The following PCDH11X variants were observed in gnomAD, a reference collection of about 807,000 sequenced individuals.
The protein encoded by PCDH11X is protocadherin-11 X-linked.
Under a neutral mutation model 53.3 loss-of-function variants are expected in PCDH11X, and 18 were observed. That is an observed-to-expected ratio of 0.34 (90% confidence interval 0.23 to 0.50). PCDH11X has a LOEUF of 0.50. PCDH11X is among the 20% of genes least tolerant of loss of function. The probability of loss-of-function intolerance (pLI) is 0.98; values close to 1 mark genes in which losing one functional copy is unlikely to be tolerated. For synonymous variants in PCDH11X, 279 were observed against 393.3 expected (o/e 0.71, Z 3.44); for missense variants, 570 against 1,032.4 (o/e 0.55, Z 6.14).
intron 6 of PCDH11X, among the ~76,000 whole-genome samples, chrX:92,132,070 G>A (rs1403315267): frequency 1.4e-4 from 13 of 95,941 alleles, no homozygotes; most frequent in African/African-American, 5.0e-4. Context: ...TCAGGCGTTC[G>A]AGACCAGCCT....
chrX:92,433,763 T>G (rs1313046886), intron 9 of PCDH11X, among the ~76,000 whole-genome samples: 1 of 111,645 alleles, frequency 9.0e-6, no homozygotes, highest in Non-Finnish European at 1.9e-5. Flanking sequence ...TGAATAGTGC[T>G]TGAGGTCTTT....
intron 10 of PCDH11X, among the ~76,000 whole-genome samples, chrX:92,568,720 T>TGTACA (rs1359526960): frequency 9.7e-6 from 1 of 102,617 alleles, no homozygotes; most frequent in Non-Finnish European, 2.0e-5. Flanking sequence ...CTAGAGGTAG[T>TGTACA]GTACAACCTG....
chrX:92,496,735 C>T (rs2073866319), intron 10 of PCDH11X, among the ~76,000 whole-genome samples: 1 of 108,688 alleles, frequency 9.2e-6, no homozygotes. Context: ...TTATCTTTCA[C>T]TATGAGTCCC....
In PCDH11X at chrX:92,364,095, T is replaced by C. The variant is rs149737883; in HGVS notation, c.3145-23640T>C. The stretch of plus-strand genomic sequence containing the variant: ...TTGTTGTGGATTTTCATTAGAGATA[T>C]TGATGTGTAGTTTTCTTATAGTGTC... On this transcript the variant is annotated intron_variant, in intron 8 of 10. Transcript: ENST00000682573. 3.8e-4 allele frequency among the ~76,000 whole-genome samples: 43 copies of C among 111,785 alleles called. 1 individual carries two copies. The East Asian group carries it at 0.012, about 32-fold the overall frequency.
Position 91,878,361 on chromosome X carries a change from G to A in PCDH11X, c.2121G>A (p.Met707Ile), listed in dbSNP as rs865904461. 1 of 1,206,314 alleles carries A rather than the reference G, an allele frequency of 8.3e-7. No individual in the cohort carries two copies. Among genetic ancestry groups the A allele is most frequent in the Non-Finnish European group, 1.1e-6 (1 of 892,358 alleles). The change falls in exon 6 of 11, where the codon ATG becomes ATA. Residue 707 changes from methionine to isoleucine, a missense_variant. Physicochemically the swap from Met to Ile is conservative, Grantham distance 10. Transcript: ENST00000682573. ...TTGCTGTTGACAATGACACTGGCAT[G>A]AATGCAGAGGTTCGTTACAGCATTG... ...QVIAVDNDTG[M>I]NAEVRYSIVG...
At chrX:92,045,629 G>A (rs1354738564) in intron 6 of PCDH11X, among the ~76,000 whole-genome samples, 1 of 103,479 alleles carries the variant, frequency 9.7e-6, no homozygotes, top group Non-Finnish European at 2.0e-5. Context: ...TTACAATTTT[G>A]GGGATTGAGA....
intron 6 of PCDH11X, among the ~76,000 whole-genome samples, chrX:92,087,128 CTTG>C (rs1189803987): frequency 3.6e-5 from 4 of 110,242 alleles, no homozygotes; most frequent in African/African-American, 1.3e-4. Context: ...GAGTTTCCCT[CTTG>C]TTGTCCAAGC....
intron 6 of PCDH11X, among the ~76,000 whole-genome samples, chrX:91,932,995 A>G (rs1034673044): frequency 9.7e-6 from 1 of 103,353 alleles, no homozygotes. Context: ...TGAATGAAAA[A>G]TTTATCTTTT....
intron 10 of PCDH11X, among the ~76,000 whole-genome samples, chrX:92,522,368 A>G (rs1343226883): frequency 8.9e-6 from 1 of 111,811 alleles, no homozygotes; most frequent in South Asian, 3.7e-4. Flanking sequence ...TAGCACACAC[A>G]TTTATTGATT....
chrX:92,588,887 T>G (rs1924704106), intron 10 of PCDH11X, among the ~76,000 whole-genome samples: 1 of 110,165 alleles, frequency 9.1e-6, no homozygotes, highest in Admixed American at 9.8e-5. Flanking sequence ...AAATTTCCAG[T>G]GGTCAAGGAC....
At chrX:92,200,699 T>C (rs967598047) in intron 6 of PCDH11X, among the ~76,000 whole-genome samples, 2 of 111,344 alleles carry the variant, frequency 1.8e-5, no homozygotes, top group Non-Finnish European at 3.8e-5. Context: ...ATTTATTACA[T>C]CTATTAAATA....
intron 6 of PCDH11X, among the ~76,000 whole-genome samples, chrX:92,018,215 G>C (rs947977471): frequency 9.0e-5 from 10 of 111,501 alleles, no homozygotes; most frequent in African/African-American, 3.3e-4. Flanking sequence ...AATGATACTA[G>C]AGTTTGTTTT....
chrX:92,581,297 G>C (rs1291453852), intron 10 of PCDH11X, among the ~76,000 whole-genome samples: 1 of 111,203 alleles, frequency 9.0e-6, no homozygotes, highest in Non-Finnish European at 1.9e-5. Flanking sequence ...TGTTTTGGCT[G>C]TGTCCCCACC....
At chrX:91,819,701 A>T (rs1467166041) in intron 4 of PCDH11X, among the ~76,000 whole-genome samples, 39 of 96,261 alleles carry the variant, frequency 4.1e-4, no homozygotes, top group African/African-American at 1.5e-3. Context: ...TTTAAGTTTT[A>T]GGGTACATGT....
At chrX:91,864,426 T>G (rs1370228662) in intron 5 of PCDH11X, among the ~76,000 whole-genome samples, 1 of 104,933 alleles carries the variant, frequency 9.5e-6, no homozygotes, top group Non-Finnish European at 1.9e-5. Flanking sequence ...CCTCTCTTGC[T>G]GTCTTTAGGA....
chrX:91,838,184 T>A (rs959014086), intron 5 of PCDH11X, among the ~76,000 whole-genome samples: 7 of 112,082 alleles, frequency 6.2e-5, no homozygotes. Context: ...TCTTGAAAGC[T>A]GCTTAACTAA....
intron 10 of PCDH11X, among the ~76,000 whole-genome samples, chrX:92,485,959 A>G (rs2073633011): frequency 9.0e-6 from 1 of 110,979 alleles, no homozygotes; most frequent in Non-Finnish European, 1.9e-5. Context: ...ATAATAGATT[A>G]TCAGATTGAA....
chrX:92,069,744 C>T (rs926925678), intron 6 of PCDH11X, among the ~76,000 whole-genome samples: 5 of 111,337 alleles, frequency 4.5e-5, no homozygotes, highest in Admixed American at 1.9e-4. Flanking sequence ...TGCAGTGGCA[C>T]GATTTTGACT....
At position 92,591,770 on chromosome X, in the gene PCDH11X, G is replaced by A. The variant is rs545542103; in HGVS notation, c.3368-26494G>A. Among the ~76,000 whole-genome samples the A allele has an allele frequency of 1.9e-4, 21 of 111,058 alleles. No individual in the cohort carries two copies. The South Asian group carries it at 7.7e-3, about 41-fold the overall frequency. ...ATGTTCTTCATCCTGAATATGCCAA[G>A]CCCCTGGGTGAGCTTTGTCTTAAAA... On this transcript the variant is annotated intron_variant, in intron 10 of 10. Coordinates refer to ENST00000682573, the MANE Select transcript of PCDH11X (RefSeq NM_032968.5).
Sources: gnomAD v4.1 joint callset for allele counts (sites outside exome capture counted in the v4.1 genomes callset) on GRCh38, gnomAD v4.1.1 for gene constraint, MANE v1.5 for transcripts, NCBI Gene and HGNC (gene_info 2026-07-23, HGNC 2026-07-21) for gene names.